The following GLOD5 variants were observed in gnomAD, a reference collection of about 807,000 sequenced individuals.
GLOD5 encodes the protein glyoxalase domain containing 5.
In GLOD5, 7 loss-of-function variants were observed where a neutral mutation model predicts 9.9. The observed-to-expected ratio is 0.71, with a 90% CI of 0.40 to 1.33. The LOEUF is 1.33. Among genes scored for constraint, GLOD5 ranks in the 40% most tolerant of loss-of-function variants. The pLI, the probability that GLOD5 is intolerant of heterozygous loss-of-function variation, is 0.01. For synonymous variants in GLOD5, 49 were observed against 47.3 expected (o/e 1.04, Z -0.14); for missense variants, 146 against 128.4 (o/e 1.14, Z -0.66).
intron 1 of GLOD5, 93 bp from the exon 2 acceptor site, chrX:48,765,742 G>A (rs370300319): frequency 1.2e-5 from 12 of 975,596 alleles, no homozygotes; most frequent in African/African-American, 1.1e-4. Context: ...AGGAAGTAGT[G>A]TAATTGGGGA....
At chrX:48,769,511 A>T (rs915175256) in intron 2 of GLOD5, among the ~76,000 whole-genome samples, 1 of 110,280 alleles carries the variant, frequency 9.1e-6, no homozygotes, top group Non-Finnish European at 1.9e-5. Context: ...ATAGAATGAG[A>T]CTCTGTCTCT....
Position 48,771,014 on chromosome X carries a change from G to C in GLOD5, c.289G>C (p.Val97Leu). Residue 97 changes from valine (V) to leucine (L), a missense_variant, in exon 3 of 4, where the codon GTT becomes CTT. Coordinates refer to ENST00000303227, the MANE Select transcript of GLOD5 (RefSeq NM_001080489.3). ...KEFEPKAAHP[V>L]PGSLDICLIT... ...ATTTGAACCCAAAGCCGCTCACCCAGTTCCTGGCTCCCTGGACATATGTCT... is the reference window on the plus strand; with the variant it reads ...ATTTGAACCCAAAGCCGCTCACCCACTTCCTGGCTCCCTGGACATATGTCT... 8.3e-7 allele frequency: 1 copy of C among 1,205,458 alleles called. No homozygotes were observed.
Position 48,770,945 on chromosome X carries a change from T to C in GLOD5, c.220T>C (p.Cys74Arg). Residue 74 changes from cysteine (C) to arginine (R), a missense_variant, in exon 3 of 4, where the codon TGT becomes CGT. By Grantham distance (180) the Cys-to-Arg change is radical. Transcript: ENST00000303227. ...MTFKEDRKALCFGDQKFNLHE... is the reference protein window; with the variant it reads ...MTFKEDRKALRFGDQKFNLHE... ...CAAGTAGGAAGACCGGAAAGCACTG[T>C]GTTTTGGAGACCAGAAATTTAACCT... 1.7e-6 allele frequency: 2 copies of C among 1,195,091 alleles called. No homozygotes were observed. Among genetic ancestry groups the C allele is most frequent in the Non-Finnish European group, 2.3e-6 (2 of 888,197 alleles).
Position 48,773,391 on chromosome X carries a change from C to T in GLOD5, c.439C>T (p.Pro147Ser), listed in dbSNP as rs1557017696. Residue 147 changes from proline (P) to serine (S), a missense_variant, in exon 4 of 4, where the codon CCC becomes TCC. Physicochemically the swap from Pro to Ser is moderately conservative, Grantham distance 74. Transcript: ENST00000303227. ...TATCATGTCCATCTACTTCCGAGAC[C>T]CCGACAGAAATCTGATTGAGGTGTC... ...GPIMSIYFRD[P>S]DRNLIEVSNY... The T allele has an allele frequency of 1.7e-6, 2 of 1,209,952 alleles. No homozygotes were observed. Among genetic ancestry groups the T allele is most frequent in the Non-Finnish European group, 2.2e-6 (2 of 894,465 alleles).
intron 1 of GLOD5, 35 bp from the exon 2 acceptor site, chrX:48,765,800 A>C (rs2062607681): frequency 8.5e-7 from 1 of 1,183,354 alleles, no homozygotes; most frequent in African/African-American, 1.8e-5. Context: ...ACAAGTGGCA[A>C]TGTGGTCTCT....
intron 1 of GLOD5, among the ~76,000 whole-genome samples, chrX:48,762,775 A>G (rs1236839907): frequency 2.7e-5 from 3 of 111,233 alleles, no homozygotes; most frequent in African/African-American, 9.8e-5. Context: ...CATTTTATAA[A>G]GCAGGCTTTG....
chrX:48,769,702 C>T (rs1025854143), intron 2 of GLOD5, among the ~76,000 whole-genome samples: 15 of 110,695 alleles, frequency 1.4e-4, no homozygotes, highest in Non-Finnish European at 2.3e-4. Context: ...GTGGTGCAGC[C>T]GGGCACACTG....
chrX:48,767,579 G>A (rs57772824), intron 2 of GLOD5, among the ~76,000 whole-genome samples: 8,587 of 111,285 alleles, frequency 0.077, 833 homozygotes, highest in African/African-American at 0.27. Context: ...GCATGGTGGC[G>A]GGCGCCTGTA....
chrX:48,761,865 G>A lies in GLOD5; in HGVS notation c.63+12G>A. The A allele has an allele frequency of 8.7e-7, 1 of 1,147,462 alleles. No homozygotes were observed. Among genetic ancestry groups the A allele is most frequent in the African/African-American group, 1.8e-5 (1 of 55,796 alleles). The allele number at this position is 1,147,462 out of a possible 1,213,427, so 94.6% of individuals were successfully genotyped here. On this transcript the variant is annotated intron_variant, in intron 1 of 3. Coordinates refer to ENST00000303227, the MANE Select transcript of GLOD5 (RefSeq NM_001080489.3). ...CTTTGGAGAAACAGGTGAACAAGAT[G>A]GCCCCTGGGGATCTGGGGCAAGGGT...
chrX:48,773,593 C>T lies in GLOD5; in HGVS notation c.*158C>T. 1 of 518,975 alleles carries T rather than the reference C, an allele frequency of 1.9e-6. No individual in the cohort carries two copies. Among genetic ancestry groups the T allele is most frequent in the Non-Finnish European group, 3.1e-6 (1 of 318,960 alleles). 42.8% of individuals were successfully genotyped at this position (518,975 alleles called of 1,213,427 possible). A position where few individuals can be genotyped will look rare whatever the true frequency, so the allele number is the denominator to read the frequency against. ...ACCCAAGACAGGTTTGGGACCAAAC[C>T]TACATGTCTGTATGTCATCAAAGTT... On this transcript the variant is annotated 3_prime_UTR_variant, in exon 4 of 4. Coordinates refer to ENST00000303227, the MANE Select transcript of GLOD5 (RefSeq NM_001080489.3).
intron 1 of GLOD5, among the ~76,000 whole-genome samples, chrX:48,764,648 A>G (rs1434869081): frequency 9.4e-5 from 10 of 106,726 alleles, no homozygotes; most frequent in African/African-American, 3.1e-4. Context: ...CCCAGGCTCA[A>G]GTGATCCTCC....
intron 3 of GLOD5, among the ~76,000 whole-genome samples, 167 bp from the exon 4 acceptor site, chrX:48,773,143 C>G (rs1165513036): frequency 9.2e-6 from 1 of 108,396 alleles, no homozygotes; most frequent in Admixed American, 9.9e-5. Context: ...GGGAGAATTG[C>G]TTGAGCCTAG....
intron 2 of GLOD5, among the ~76,000 whole-genome samples, chrX:48,767,204 T>C (rs1250264930): frequency 1.8e-5 from 2 of 108,337 alleles, no homozygotes; most frequent in Admixed American, 1.0e-4. Flanking sequence ...CTTGAGAATT[T>C]GGAATAACTT....
At position 48,765,757 on chromosome X, in the gene GLOD5, G is replaced by A. The variant is rs1373708196; in HGVS notation, c.64-78G>A. ...AGGAAGTAGTGTAATTGGGGAGGTA[G>A]GGGGAGGTGAGGAGAAGAAAACACA... On this transcript the variant is annotated intron_variant, in intron 1 of 3. Coordinates refer to ENST00000303227, the MANE Select transcript of GLOD5 (RefSeq NM_001080489.3). The A allele has an allele frequency of 1.9e-5, 20 of 1,065,592 alleles. No homozygotes were observed. In the East Asian group the frequency reaches 5.2e-4, roughly 28 times the overall value. The allele number at this position is 1,065,592 out of a possible 1,213,427, so 87.8% of individuals were successfully genotyped here.
intron 3 of GLOD5, among the ~76,000 whole-genome samples, 180 bp from the exon 4 acceptor site, chrX:48,773,130 G>C (rs1415277478): frequency 2.7e-5 from 3 of 109,288 alleles, no homozygotes; most frequent in African/African-American, 1.0e-4. Flanking sequence ...AGGAGGCTGA[G>C]GTGGGAGAAT....
Position 48,773,527 on chromosome X carries a change from G to C in GLOD5, c.*92G>C. 9.9e-7 allele frequency: 1 copy of C among 1,014,813 alleles called. No homozygotes were observed. The highest frequency in any genetic ancestry group is 1.4e-6 in the Non-Finnish European group (1 of 740,213). The allele number at this position is 1,014,813 out of a possible 1,213,427, so 83.6% of individuals were successfully genotyped here. The stretch of plus-strand genomic sequence containing the variant: ...CCACCCAGGCCCAGAGATCTCCAAA[G>C]ACTGAGGACTTAGGCACTTCACACA... On this transcript the variant is annotated 3_prime_UTR_variant, in exon 4 of 4. Transcript: ENST00000303227.
chrX:48,769,710 C>A (rs1176318675), intron 2 of GLOD5, among the ~76,000 whole-genome samples: 3 of 110,639 alleles, frequency 2.7e-5, no homozygotes, highest in Non-Finnish European at 5.7e-5. Flanking sequence ...GCCGGGCACA[C>A]TGGCTCACAT....
chrX:48,773,529 C>G lies in GLOD5; in HGVS notation c.*94C>G. On this transcript the variant is annotated 3_prime_UTR_variant, in exon 4 of 4. Coordinates refer to ENST00000303227, the MANE Select transcript of GLOD5 (RefSeq NM_001080489.3). ...ACCCAGGCCCAGAGATCTCCAAAGA[C>G]TGAGGACTTAGGCACTTCACACATC... The G allele has an allele frequency of 9.9e-7, 1 of 1,014,129 alleles. No homozygotes were observed. Among genetic ancestry groups the G allele is most frequent in the Non-Finnish European group, 1.4e-6 (1 of 739,580 alleles). The allele number at this position is 1,014,129 out of a possible 1,213,427, so 83.6% of individuals were successfully genotyped here. A position where few individuals can be genotyped will look rare whatever the true frequency, so the allele number is the denominator to read the frequency against.
At chrX:48,769,605 G>T (rs1294952967) in intron 2 of GLOD5, among the ~76,000 whole-genome samples, 1 of 111,750 alleles carries the variant, frequency 8.9e-6, no homozygotes, top group Non-Finnish European at 1.9e-5. Context: ...AACTAAAAAC[G>T]ATAATCAAAT....
Sources: gnomAD v4.1 joint callset for allele counts (sites outside exome capture counted in the v4.1 genomes callset) on GRCh38, gnomAD v4.1.1 for gene constraint, MANE v1.5 for transcripts, NCBI Gene and HGNC (gene_info 2026-07-23, HGNC 2026-07-21) for gene names.